The following KLHL36 variants were observed in gnomAD, a reference collection of about 807,000 sequenced individuals.
KLHL36 encodes kelch-like protein 36.
KLHL36 carries 35 observed loss-of-function variants against 53.3 expected under a neutral mutation model. That is an observed-to-expected ratio of 0.66 (90% confidence interval 0.50 to 0.87). The LOEUF is 0.87. Ranked by LOEUF, KLHL36 falls within the 40% of genes least tolerant of loss-of-function variation. KLHL36 has a pLI of 0.00. For synonymous variants in KLHL36, 472 were observed against 398.9 expected, an observed-to-expected ratio of 1.18 and a Z score of -2.18; for missense variants, 864 against 897.6, an observed-to-expected ratio of 0.96 and a Z score of 0.48.
chr16:84,654,844 A>G (rs982822211), intron 2 of KLHL36, among the ~76,000 whole-genome samples: 5 of 152,168 alleles, frequency 3.3e-5, no homozygotes, highest in South Asian at 4.1e-4. Flanking sequence ...TCCTGACCTC[A>G]GGTGACCTGC....
chr16:84,659,822 G>T lies in KLHL36; in HGVS notation c.1200G>T (p.Val400=). ...TTGCCTCCATCGAAGACATGCTGGTGGCCATCGGCGGCCGGAATGAGAACG... is the reference window on the plus strand; with the variant it reads ...TTGCCTCCATCGAAGACATGCTGGTTGCCATCGGCGGCCGGAATGAGAACG... ...FYLASIEDML[V]AIGGRNENGA... Residue 400 remains valine (V), a synonymous_variant, in exon 4 of 5, where the codon GTG becomes GTT. Coordinates refer to ENST00000564996, the MANE Select transcript of KLHL36 (RefSeq NM_024731.4). 3.1e-6 allele frequency: 5 copies of T among 1,614,122 alleles called. No individual in the cohort carries two copies. In the South Asian group the frequency reaches 5.5e-5, roughly 18 times the overall value.
At chr16:84,654,590 TTTG>T (rs1460493136) in intron 2 of KLHL36, among the ~76,000 whole-genome samples, 1 of 27,178 alleles carries the variant, frequency 3.7e-5, no homozygotes, top group Non-Finnish European at 7.9e-5. Flanking sequence ...TTTGTTTTGT[TTTG>T]TTTTGTTTTG....
rs1907290620 is a variant in KLHL36, at chr16:84,657,558, C to T, written c.751C>T (p.Pro251Ser). 1.2e-6 allele frequency: 2 copies of T among 1,610,528 alleles called. No homozygotes were observed. Among genetic ancestry groups the T allele is most frequent in the Admixed American group, 1.7e-5 (1 of 60,004 alleles). Reference protein sequence around the residue: ...PKNDLLHRVKPAVCSLLPKEA... With the variant: ...PKNDLLHRVKSAVCSLLPKEA... ...GAACGACCTGCTGCACCGCGTCAAG[C>T]CGGCCGTGTGCTCGCTGCTGCCCAA... The change falls in exon 3 of 5, where the codon CCG becomes TCG. Residue 251 changes from proline (P) to serine (S), a missense_variant. Pro to Ser is a moderately conservative substitution (Grantham distance 74). Transcript: ENST00000564996.
At position 84,667,608 on chromosome 16, in the gene KLHL36, T is replaced by C. The variant is rs1907907777; in HGVS notation, c.*5475T>C. On this transcript the variant is annotated 3_prime_UTR_variant, in exon 5 of 5. Transcript: ENST00000564996. ...TCCTAGTCTTGTGTGGTTATTGTAATGATGTCTGGTCCTAATTTCTCTGCC... is the reference window on the plus strand; with the variant it reads ...TCCTAGTCTTGTGTGGTTATTGTAACGATGTCTGGTCCTAATTTCTCTGCC... 6.6e-6 allele frequency: 1 copy of C among 152,240 alleles called. No homozygotes were observed. Among genetic ancestry groups the C allele is most frequent in the South Asian group, 2.1e-4 (1 of 4,836 alleles). The allele number at this position is 152,240 out of a possible 1,614,324, so 9.4% of individuals were successfully genotyped here.
rs1379945236 is a variant in KLHL36, at chr16:84,666,254, T to G, written c.*4121T>G. 6.6e-6 allele frequency: 1 copy of G among 152,262 alleles called. No homozygotes were observed. Among genetic ancestry groups the G allele is most frequent in the African/African-American group, 2.4e-5 (1 of 41,470 alleles). The allele number at this position is 152,262 out of a possible 1,614,324, so 9.4% of individuals were successfully genotyped here. On this transcript the variant is annotated 3_prime_UTR_variant, in exon 5 of 5. Coordinates refer to ENST00000564996, the MANE Select transcript of KLHL36 (RefSeq NM_024731.4). The stretch of plus-strand genomic sequence containing the variant: ...TGCCGGGGTTTTCCACCTCATCCCT[T>G]TCCTCCGGCCCCTTGATTTGTGCTG...
In KLHL36 at chr16:84,667,340, A is replaced by G. The variant is rs1907897261; in HGVS notation, c.*5207A>G. On this transcript the variant is annotated 3_prime_UTR_variant, in exon 5 of 5. Coordinates refer to ENST00000564996, the MANE Select transcript of KLHL36 (RefSeq NM_024731.4). ...CAGCGAGATATTTGATGATTAAGTGATTCATTGGGTATGTTCTGGCTACTG... is the reference window on the plus strand; with the variant it reads ...CAGCGAGATATTTGATGATTAAGTGGTTCATTGGGTATGTTCTGGCTACTG... The G allele has an allele frequency of 6.6e-6, 1 of 152,172 alleles. No individual in the cohort carries two copies. The highest frequency in any genetic ancestry group is 2.4e-5 in the African/African-American group (1 of 41,422). 9.4% of individuals were successfully genotyped at this position (152,172 alleles called of 1,614,324 possible).
Position 84,664,943 on chromosome 16 carries a change from C to T in KLHL36, c.*2810C>T, listed in dbSNP as rs1300141205. 1 of 152,190 alleles carries T rather than the reference C, an allele frequency of 6.6e-6. No homozygotes were observed. The highest frequency in any genetic ancestry group is 1.5e-5 in the Non-Finnish European group (1 of 68,056). The allele number at this position is 152,190 out of a possible 1,614,324, so 9.4% of individuals were successfully genotyped here. On this transcript the variant is annotated 3_prime_UTR_variant, in exon 5 of 5. Transcript: ENST00000564996. ...TAGGAGGCTGAGGTGGGAGAATCAC[C>T]TGAGCCTGGGAGGTTGAGGCTGCAG...
rs1907761171 is a variant in KLHL36, at chr16:84,664,993, T to G, written c.*2860T>G. ...GTGAGCTATGACCACACCACTGCACTCTAACCTGGGTGACGGAGTGAGACC... is the reference window on the plus strand; with the variant it reads ...GTGAGCTATGACCACACCACTGCACGCTAACCTGGGTGACGGAGTGAGACC... On this transcript the variant is annotated 3_prime_UTR_variant, in exon 5 of 5. Coordinates refer to ENST00000564996, the MANE Select transcript of KLHL36 (RefSeq NM_024731.4). The G allele has an allele frequency of 1.3e-5, 2 of 152,246 alleles. No individual in the cohort carries two copies. The highest frequency in any genetic ancestry group is 4.1e-4 in the South Asian group (2 of 4,836). The allele number at this position is 152,246 out of a possible 1,614,324, so 9.4% of individuals were successfully genotyped here.
At chr16:84,658,280 G>A in intron 3 of KLHL36, 1 of 224,708 alleles carries the variant, frequency 4.5e-6, no homozygotes, top group Non-Finnish European at 8.6e-6. Flanking sequence ...TGCGACTGAA[G>A]AAGTCAATTT....
Position 84,662,206 on chromosome 16 carries a change from G to C in KLHL36, c.*73G>C, listed in dbSNP as rs938839042. 14 of 1,313,256 alleles carry C rather than the reference G, an allele frequency of 1.1e-5. No individual in the cohort carries two copies. Among genetic ancestry groups the C allele is most frequent in the Non-Finnish European group, 1.4e-5 (14 of 986,132 alleles). 81.4% of individuals were successfully genotyped at this position (1,313,256 alleles called of 1,614,324 possible). A position where few individuals can be genotyped will look rare whatever the true frequency, so the allele number is the denominator to read the frequency against. Reference sequence around the variant, plus strand: ...TCTGTAGACCAGCAGCAACTTCTTAGTATTCCGGAAACATTATGTACAACT... The same window carrying C: ...TCTGTAGACCAGCAGCAACTTCTTACTATTCCGGAAACATTATGTACAACT... On this transcript the variant is annotated 3_prime_UTR_variant, in exon 5 of 5. Coordinates refer to ENST00000564996, the MANE Select transcript of KLHL36 (RefSeq NM_024731.4).
chr16:84,658,906 G>C (rs1907380779), intron 3 of KLHL36: 1 of 152,170 alleles, frequency 6.6e-6, no homozygotes, highest in Admixed American at 6.5e-5. Context: ...AAGGGTCCCT[G>C]GCTTTGGAGC....
chr16:84,667,059 CA>C lies in KLHL36; in HGVS notation c.*4944del, dbSNP rs761527507. Reference sequence around the variant, plus strand: ...CCTGGGTGACCGAGTAAGACTGTCTCAAAAAAAAAAAAAAAAAAGAAAAGAA... The same window carrying C: ...CCTGGGTGACCGAGTAAGACTGTCTCAAAAAAAAAAAAAAAAAGAAAAGAA... On this transcript the variant is annotated 3_prime_UTR_variant, in exon 5 of 5. Coordinates refer to ENST00000564996, the MANE Select transcript of KLHL36 (RefSeq NM_024731.4). The C allele has an allele frequency of 3.6e-3, 161 of 45,086 alleles. No individual in the cohort carries two copies. The highest frequency in any genetic ancestry group is 4.1e-3 in the Non-Finnish European group (98 of 23,628). 2.8% of individuals were successfully genotyped at this position (45,086 alleles called of 1,614,324 possible). A position where few individuals can be genotyped will look rare whatever the true frequency, so the allele number is the denominator to read the frequency against.
rs1818454652 is a variant in KLHL36 at position 84,656,921 on chromosome 16, G to A, written c.114G>A (p.Glu38=). The change falls in exon 3 of 5, where the codon GAG becomes GAA. Residue 38 remains glutamate, a synonymous_variant. Coordinates refer to ENST00000564996, the MANE Select transcript of KLHL36 (RefSeq NM_024731.4). ...GCACGGTGCTGCAGCGGCTGAACGA[G>A]CAGCGTCTCCGCGGGCTCTTCTGCG... ...HSSTVLQRLN[E]QRLRGLFCDV... 1.2e-6 allele frequency: 2 copies of A among 1,613,020 alleles called. No individual in the cohort carries two copies. Among genetic ancestry groups the A allele is most frequent in the South Asian group, 1.1e-5 (1 of 91,064 alleles).
At chr16:84,655,867 T>C (rs1292943790) in intron 2 of KLHL36, among the ~76,000 whole-genome samples, 2 of 152,158 alleles carry the variant, frequency 1.3e-5, no homozygotes, top group Non-Finnish European at 2.9e-5. Flanking sequence ...TAGTTTTCAG[T>C]TACCTGTTTC....
chr16:84,655,761 C>T (rs1391392471), intron 2 of KLHL36, among the ~76,000 whole-genome samples: 1 of 151,658 alleles, frequency 6.6e-6, no homozygotes, highest in Non-Finnish European at 1.5e-5. Context: ...AGCCCTCGGT[C>T]AGTTTTCTTC....
At chr16:84,650,720 C>T in intron 1 of KLHL36, 132 bp from the exon 2 acceptor site, 1 of 644,570 alleles carries the variant, frequency 1.6e-6, no homozygotes, top group Non-Finnish European at 2.7e-6. Flanking sequence ...CTTTGTAGTG[C>T]ACGGTCCTCC....
intron 2 of KLHL36, among the ~76,000 whole-genome samples, chr16:84,653,028 A>G (rs1222599881): frequency 6.6e-6 from 1 of 152,038 alleles, no homozygotes; most frequent in Non-Finnish European, 1.5e-5. Context: ...ACCAGCTTGG[A>G]CAACACGGCT....
chr16:84,655,578 C>T (rs995570836), intron 2 of KLHL36, among the ~76,000 whole-genome samples: 1 of 151,870 alleles, frequency 6.6e-6, no homozygotes. Context: ...GTGGCACACA[C>T]CCGTAGTCCC....
intron 1 of KLHL36, 83 bp from the exon 2 acceptor site, chr16:84,650,769 C>T (rs1906822981): frequency 1.0e-6 from 1 of 972,514 alleles, no homozygotes; most frequent in African/African-American, 1.6e-5. Context: ...CACTGTCATC[C>T]TTGGTATCTG....
Sources: allele counts gnomAD v4.1 joint callset (sites outside exome capture counted in the v4.1 genomes callset), GRCh38; gene constraint gnomAD v4.1.1; transcripts MANE v1.5; gene names NCBI Gene and HGNC (gene_info 2026-07-23, HGNC 2026-07-21).